ISCA1: variants seen among roughly 807,000 people sequenced by gnomAD.
The protein encoded by ISCA1 is iron-sulfur cluster assembly 1 homolog, mitochondrial.
Under a neutral mutation model 14.7 loss-of-function variants are expected in ISCA1, and 9 were observed. That is an observed-to-expected ratio of 0.61 (90% confidence interval 0.37 to 1.07). The LOEUF is 1.07. Ranked by LOEUF, ISCA1 falls within the 50% of genes least tolerant of loss-of-function variation. The probability of loss-of-function intolerance (pLI) is 0.01; values close to 1 mark genes in which losing one functional copy is unlikely to be tolerated. For synonymous variants in ISCA1, 38 were observed against 54.3 expected (o/e 0.70, Z 1.32); for missense variants, 102 against 150.1 (o/e 0.68, Z 1.67).
At chr9:86,271,126 C>T (rs910765748) in intron 3 of ISCA1, among the ~76,000 whole-genome samples, 19 of 151,904 alleles carry the variant, frequency 1.3e-4, no homozygotes, top group Non-Finnish European at 2.1e-4. Flanking sequence ...TTTCACTATA[C>T]TTTTTCTTTG....
chr9:86,265,603 G>C lies in ISCA1; in HGVS notation c.*440C>G. ...AATTTTTCATAAAAATGTATAAAAA[G>C]GCTATGTTAAGTTTGGGTGGAAAAA... On this transcript the variant is annotated 3_prime_UTR_variant, in exon 4 of 4. Transcript: ENST00000375991. The C allele has an allele frequency of 4.9e-6, 1 of 204,714 alleles. No homozygotes were observed. The allele number at this position is 204,714 out of a possible 1,614,324, so 12.7% of individuals were successfully genotyped here.
At chr9:86,272,225 T>C (rs1422037113) in intron 2 of ISCA1, 113 bp from the exon 3 acceptor site, 8 of 716,076 alleles carry the variant, frequency 1.1e-5, no homozygotes, top group Non-Finnish European at 2.0e-5. Context: ...TCTTATTTTT[T>C]GTAGGACAGG....
Position 86,266,198 on chromosome 9 carries a change from G to A in ISCA1, c.242-7C>T. On this transcript the variant is annotated splice_polypyrimidine_tract_variant and splice_region_variant and intron_variant, in intron 3 of 3. Coordinates refer to ENST00000375991, the MANE Select transcript of ISCA1 (RefSeq NM_030940.4). ...TCGATGAATACTCTGACTCCTTGGA[G>A]AAAAGAAAACATGTGTCATGGAAAG... 1 of 1,597,846 alleles carries A rather than the reference G, an allele frequency of 6.3e-7. No individual in the cohort carries two copies. The highest frequency in any genetic ancestry group is 8.5e-7 in the Non-Finnish European group (1 of 1,173,988).
intron 1 of ISCA1, among the ~76,000 whole-genome samples, chr9:86,280,414 T>C (rs1825494980): frequency 1.3e-5 from 2 of 151,184 alleles, no homozygotes; most frequent in South Asian, 4.2e-4. Context: ...TGAAACCCCA[T>C]CTCTACTAAA....
At chr9:86,280,594 C>CAAAA (rs59525482) in intron 1 of ISCA1, among the ~76,000 whole-genome samples, 27 of 97,798 alleles carry the variant, frequency 2.8e-4, no homozygotes, top group African/African-American at 4.2e-4. Context: ...AACCCTGTCT[C>CAAAA]AAAAAAAAAA....
At position 86,265,783 on chromosome 9, in the gene ISCA1, C is replaced by A. The variant is rs992986884; in HGVS notation, c.*260G>T. On this transcript the variant is annotated 3_prime_UTR_variant, in exon 4 of 4. Coordinates refer to ENST00000375991, the MANE Select transcript of ISCA1 (RefSeq NM_030940.4). ...TTCAGGAAATGGATAAACAGGTGCC[C>A]AGGAAGGCAACTTTAATGAAACTGG... 3.7e-6 allele frequency: 2 copies of A among 538,446 alleles called. No individual in the cohort carries two copies. The highest frequency in any genetic ancestry group is 3.3e-5 in the Admixed American group (1 of 30,434). The allele number at this position is 538,446 out of a possible 1,614,324, so 33.4% of individuals were successfully genotyped here. A position where few individuals can be genotyped will look rare whatever the true frequency, so the allele number is the denominator to read the frequency against.
intron 3 of ISCA1, among the ~76,000 whole-genome samples, chr9:86,268,033 TAATA>T (rs1825311240): frequency 6.6e-6 from 1 of 152,094 alleles, no homozygotes; most frequent in South Asian, 2.1e-4. Context: ...TTGATAATGA[TAATA>T]AATGGTTATG....
intron 1 of ISCA1, 47 bp downstream of exon 1, chr9:86,282,331 G>A (rs1564011433): frequency 2.0e-6 from 3 of 1,526,872 alleles, no homozygotes; most frequent in Admixed American, 2.0e-5. Context: ...TGCACGGGGC[G>A]GACACGAGCA....
intron 1 of ISCA1, among the ~76,000 whole-genome samples, chr9:86,278,686 T>G (rs1170290214): frequency 1.3e-5 from 2 of 152,122 alleles, no homozygotes; most frequent in African/African-American, 4.8e-5. Flanking sequence ...GAAAAAGGTT[T>G]GTAATCATGG....
chr9:86,278,307 C>G (rs1469083986), intron 1 of ISCA1, among the ~76,000 whole-genome samples: 2 of 152,072 alleles, frequency 1.3e-5, no homozygotes, highest in African/African-American at 4.8e-5. Context: ...AAAGCATTCT[C>G]TTTTGTCTTT....
rs1476712198 is a variant in ISCA1 at position 86,264,868 on chromosome 9, T to G, written c.*1175A>C. 1.3e-5 allele frequency: 2 copies of G among 152,078 alleles called. No individual in the cohort carries two copies. The highest frequency in any genetic ancestry group is 6.5e-5 in the Admixed American group (1 of 15,278). 9.4% of individuals were successfully genotyped at this position (152,078 alleles called of 1,614,324 possible). On this transcript the variant is annotated 3_prime_UTR_variant, in exon 4 of 4. Transcript: ENST00000375991. ...CAAAAGGAACACTTTTAAAGAAAAG[T>G]TGGTGATAAATATGTTAGGCTAAAA...
intron 3 of ISCA1, among the ~76,000 whole-genome samples, chr9:86,269,475 T>C (rs575699643): frequency 6.6e-6 from 1 of 152,184 alleles, no homozygotes; most frequent in East Asian, 1.9e-4. Context: ...TCCATGCTCA[T>C]GGGTAGGAAG....
chr9:86,281,743 T>C (rs1825519301), intron 1 of ISCA1, among the ~76,000 whole-genome samples: 1 of 152,196 alleles, frequency 6.6e-6, no homozygotes, highest in Non-Finnish European at 1.5e-5. Context: ...GTAAACTCAC[T>C]CTGGGAAATC....
Position 86,282,228 on chromosome 9 carries a change from A to AGGCGG in ISCA1, c.81+145_81+149dup, listed in dbSNP as rs1564011395. 1.4e-5 allele frequency: 11 copies of AGGCGG among 778,992 alleles called. No homozygotes were observed. The African/African-American group carries it at 1.7e-4, about 12-fold the overall frequency. The allele number at this position is 778,992 out of a possible 1,614,324, so 48.3% of individuals were successfully genotyped here. The stretch of plus-strand genomic sequence containing the variant: ...TGCAAAGAGGGGCCGGAGGCGAAGG[A>AGGCGG]GGCGGCGAGGCTGTGCGGCGGGTCG... On this transcript the variant is annotated intron_variant, in intron 1 of 3. Coordinates refer to ENST00000375991, the MANE Select transcript of ISCA1 (RefSeq NM_030940.4).
chr9:86,264,575 TTTAA>T lies in ISCA1; in HGVS notation c.*1464_*1467del, dbSNP rs1159462610. 4 of 152,574 alleles carry T rather than the reference TTTAA, an allele frequency of 2.6e-5. No homozygotes were observed. The highest frequency in any genetic ancestry group is 5.9e-5 in the Non-Finnish European group (4 of 68,036). The allele number at this position is 152,574 out of a possible 1,614,324, so 9.5% of individuals were successfully genotyped here. A position where few individuals can be genotyped will look rare whatever the true frequency, so the allele number is the denominator to read the frequency against. ...ATGATCACAAAGAGGCCACATTTTT[TTTAA>T]TTGACAACTCAATCTCTACATACAT... On this transcript the variant is annotated 3_prime_UTR_variant, in exon 4 of 4. Coordinates refer to ENST00000375991, the MANE Select transcript of ISCA1 (RefSeq NM_030940.4).
At chr9:86,276,101 T>C (rs763303964) in intron 1 of ISCA1, among the ~76,000 whole-genome samples, 1 of 152,128 alleles carries the variant, frequency 6.6e-6, no homozygotes, top group Non-Finnish European at 1.5e-5. Flanking sequence ...CATCAAAATA[T>C]ACAATCAGTG....
chr9:86,268,181 T>C (rs1825313592), intron 3 of ISCA1, among the ~76,000 whole-genome samples: 2 of 151,974 alleles, frequency 1.3e-5, no homozygotes, highest in African/African-American at 2.4e-5. Context: ...AAGGCATCAT[T>C]ATCACAGAAG....
At chr9:86,277,464 G>A (rs954895004) in intron 1 of ISCA1, among the ~76,000 whole-genome samples, 1 of 152,120 alleles carries the variant, frequency 6.6e-6, no homozygotes, top group Non-Finnish European at 1.5e-5. Context: ...GGTTAAAAGG[G>A]AAGAGTTGGG....
Position 86,269,743 on chromosome 9 carries a change from G to T in ISCA1, c.241+2264C>A, listed in dbSNP as rs1281466785. ...AGCATGGTACTGGTACCAAAACAGA[G>T]ATATAGATCAATGGAACAGAACAGA... On this transcript the variant is annotated intron_variant, in intron 3 of 3. Coordinates refer to ENST00000375991, the MANE Select transcript of ISCA1 (RefSeq NM_030940.4). Among the ~76,000 whole-genome samples the T allele has an allele frequency of 2.6e-5, 4 of 151,566 alleles. No individual in the cohort carries two copies. In the East Asian group the frequency reaches 7.8e-4, roughly 30 times the overall value.
Sources: allele counts gnomAD v4.1 joint callset (sites outside exome capture counted in the v4.1 genomes callset), GRCh38; gene constraint gnomAD v4.1.1; transcripts MANE v1.5; gene names NCBI Gene and HGNC (gene_info 2026-07-23, HGNC 2026-07-21).